The following CSGALNACT1 variants were observed in gnomAD, a reference collection of about 807,000 sequenced individuals.
The protein encoded by CSGALNACT1 is chondroitin sulfate N-acetylgalactosaminyltransferase 1.
CSGALNACT1 carries 52 observed loss-of-function variants against 51.0 expected under a neutral mutation model. The observed-to-expected ratio is 1.02, with a 90% CI of 0.82 to 1.29. CSGALNACT1 has a LOEUF of 1.29. Ranked by LOEUF, CSGALNACT1 falls within the 50% of genes most tolerant of loss-of-function variation. The probability of loss-of-function intolerance (pLI) is 0.00; values close to 1 mark genes in which losing one functional copy is unlikely to be tolerated. For synonymous variants in CSGALNACT1, 341 were observed against 254.4 expected (o/e 1.34, Z -3.24); for missense variants, 935 against 679.2 (o/e 1.38, Z -4.19).
At chr8:19,552,164 G>C (rs575531059) in intron 3 of CSGALNACT1, among the ~76,000 whole-genome samples, 21 of 152,058 alleles carry the variant, frequency 1.4e-4, no homozygotes, top group African/African-American at 5.1e-4. Context: ...ACCATGAAAA[G>C]AAGACTAATG....
intron 1 of CSGALNACT1, among the ~76,000 whole-genome samples, chr8:19,712,286 A>G (rs1405816092): frequency 6.6e-6 from 1 of 151,984 alleles, no homozygotes; most frequent in Non-Finnish European, 1.5e-5. Flanking sequence ...CAGCCTCCCA[A>G]AGTGCTGGGA....
chr8:19,644,837 G>A (rs1432357000), intron 1 of CSGALNACT1, among the ~76,000 whole-genome samples: 1 of 151,100 alleles, frequency 6.6e-6, no homozygotes, highest in Non-Finnish European at 1.5e-5. Flanking sequence ...ATCTTGTACT[G>A]CAGATACAAA....
At chr8:19,576,975 C>T (rs1210783395) in intron 3 of CSGALNACT1, among the ~76,000 whole-genome samples, 5 of 152,088 alleles carry the variant, frequency 3.3e-5, no homozygotes, top group Admixed American at 6.5e-5. Context: ...TTAGACACCC[C>T]GCAAATTACA....
intron 4 of CSGALNACT1, among the ~76,000 whole-genome samples, chr8:19,484,994 G>T (rs1337179981): frequency 6.6e-6 from 1 of 152,078 alleles, no homozygotes; most frequent in African/African-American, 2.4e-5. Context: ...AGACCTGCTG[G>T]CACTTTCACC....
chr8:19,632,357 ACTAT>A (rs1180896119), intron 1 of CSGALNACT1, among the ~76,000 whole-genome samples: 2 of 152,266 alleles, frequency 1.3e-5, no homozygotes, highest in East Asian at 1.9e-4. Flanking sequence ...CGCTTTCTCA[ACTAT>A]CTATCTGCCG....
chr8:19,522,166 T>C (rs527328345), intron 3 of CSGALNACT1, among the ~76,000 whole-genome samples: 111 of 152,144 alleles, frequency 7.3e-4, no homozygotes, highest in African/African-American at 2.5e-3. Flanking sequence ...ATGAAATCAG[T>C]GTGAGCTAAA....
intron 1 of CSGALNACT1, among the ~76,000 whole-genome samples, chr8:19,622,065 A>G (rs979322012): frequency 3.3e-5 from 5 of 152,240 alleles, no homozygotes; most frequent in Non-Finnish European, 7.3e-5. Context: ...TCAAGCTACA[A>G]AATGGCCACT....
chr8:19,553,157 A>C (rs1484370653), intron 3 of CSGALNACT1, among the ~76,000 whole-genome samples: 3 of 152,204 alleles, frequency 2.0e-5, no homozygotes, highest in Non-Finnish European at 2.9e-5. Flanking sequence ...GAGAAACAAA[A>C]CAACATTTCT....
chr8:19,551,729 C>T (rs1467656464), intron 3 of CSGALNACT1, among the ~76,000 whole-genome samples: 3 of 150,086 alleles, frequency 2.0e-5, no homozygotes, highest in Non-Finnish European at 4.4e-5. Context: ...AATTCCCACT[C>T]AACAATTTGC....
chr8:19,576,055 G>C (rs541933241), intron 3 of CSGALNACT1, among the ~76,000 whole-genome samples: 1 of 152,088 alleles, frequency 6.6e-6, no homozygotes, highest in Non-Finnish European at 1.5e-5. Context: ...GCCGAGAGAC[G>C]GGAGTGGGTG....
intron 2 of CSGALNACT1, among the ~76,000 whole-genome samples, chr8:19,599,139 G>T (rs1249396676): frequency 6.6e-6 from 1 of 151,770 alleles, no homozygotes; most frequent in African/African-American, 2.4e-5. Flanking sequence ...CGGGGAGGGG[G>T]AGCACAGAGA....
At chr8:19,656,875 G>A (rs1191120528) in intron 1 of CSGALNACT1, among the ~76,000 whole-genome samples, 3 of 151,976 alleles carry the variant, frequency 2.0e-5, no homozygotes, top group Non-Finnish European at 4.4e-5. Context: ...AGACCAGCCT[G>A]GCCAACATGG....
chr8:19,492,348 T>C (rs1587130668), intron 4 of CSGALNACT1, among the ~76,000 whole-genome samples: 1 of 152,220 alleles, frequency 6.6e-6, no homozygotes, highest in Non-Finnish European at 1.5e-5. Flanking sequence ...TGGGATGTAG[T>C]AGACATTTGG....
chr8:19,557,705 A>G (rs2154092306), intron 3 of CSGALNACT1, among the ~76,000 whole-genome samples: 1 of 152,270 alleles, frequency 6.6e-6, no homozygotes, highest in South Asian at 2.1e-4. Context: ...ACCCCCTGTC[A>G]ACTCTGTTTC....
At chr8:19,458,439 T>G in exon 5 of CSGALNACT1, 2 of 1,614,180 alleles carry the variant, frequency 1.2e-6, no homozygotes, top group East Asian at 4.5e-5. Flanking sequence ...AAATTCTGCA[T>G]GAACTGCCGG....
chr8:19,582,437 A>AT (rs1354970647), intron 3 of CSGALNACT1, among the ~76,000 whole-genome samples: 1 of 152,218 alleles, frequency 6.6e-6, no homozygotes, highest in Non-Finnish European at 1.5e-5. Flanking sequence ...TGGTATTTTT[A>AT]TTTAAAGAGC....
At chr8:19,462,665 C>G (rs2065804917) in intron 4 of CSGALNACT1, among the ~76,000 whole-genome samples, 1 of 152,188 alleles carries the variant, frequency 6.6e-6, no homozygotes, top group Non-Finnish European at 1.5e-5. Context: ...ACCCCACACA[C>G]CACAATTTAT....
At chr8:19,672,649 C>T (rs1589423647) in intron 1 of CSGALNACT1, among the ~76,000 whole-genome samples, 1 of 152,278 alleles carries the variant, frequency 6.6e-6, no homozygotes, top group East Asian at 1.9e-4. Flanking sequence ...TAATGCCTTA[C>T]ACTGGTAACA....
At chr8:19,489,597 G>C (rs747857749) in intron 4 of CSGALNACT1, among the ~76,000 whole-genome samples, 1 of 152,194 alleles carries the variant, frequency 6.6e-6, no homozygotes, top group Non-Finnish European at 1.5e-5. Context: ...AAAGTGGTAT[G>C]AGAAAGGGTC....
Sources: allele counts gnomAD v4.1 joint callset (sites outside exome capture counted in the v4.1 genomes callset), GRCh38; gene constraint gnomAD v4.1.1; transcripts MANE v1.5; gene names NCBI Gene and HGNC (gene_info 2026-07-23, HGNC 2026-07-21).